Variants in CDK6 observed in about 807,000 individuals in gnomAD.
The protein encoded by CDK6 is cyclin-dependent kinase 6.
A neutral mutation model predicts 37.1 loss-of-function variants in CDK6; 6 were observed. The observed-to-expected ratio is 0.16, with a 90% CI of 0.09 to 0.32. The LOEUF is 0.32. Ranked by LOEUF, CDK6 falls within the 10% of genes least tolerant of loss-of-function variation. CDK6 has a pLI of 1.00. For synonymous variants in CDK6, 160 were observed against 161.3 expected (o/e 0.99, Z 0.06); for missense variants, 224 against 418.9 (o/e 0.53, Z 4.06).
In CDK6 at chr7:92,833,172, T is replaced by G; in HGVS notation, c.152A>C (p.Glu51Ala). The G allele has an allele frequency of 6.2e-7, 1 of 1,609,272 alleles. No homozygotes were observed. Among genetic ancestry groups the G allele is most frequent in the East Asian group, 2.2e-5 (1 of 44,688 alleles). Residue 51 changes from glutamate to alanine, a missense_variant, in exon 2 of 8, where the codon GAG becomes GCG. This residue lies in a region of CDK6 where 21 missense variants were observed against 18.4 expected (regional missense o/e 1.14). Transcript: ENST00000424848. This position sits in a 1 kb window ranked among gnomAD's most constrained non-coding sequence, Gnocchi z 6.1. ...ALKRVRVQTG[E>A]EGMPLSTIRE... ...GATGGTGGAGAGCGGCATGCCCTCCTCGCCGGTCTGCACCCGCACGCGCTT... is the reference window on the plus strand; with the variant it reads ...GATGGTGGAGAGCGGCATGCCCTCCGCGCCGGTCTGCACCCGCACGCGCTT...
intron 3 of CDK6, among the ~76,000 whole-genome samples, chr7:92,745,741 C>T (rs566300767): frequency 2.0e-4 from 30 of 152,148 alleles, no homozygotes; most frequent in Admixed American, 3.3e-4. Flanking sequence ...TTCCAGGAAC[C>T]TGTGTTGCTG....
chr7:92,795,648 T>A (rs1182331664), intron 2 of CDK6, among the ~76,000 whole-genome samples: 1 of 152,106 alleles, frequency 6.6e-6, no homozygotes, highest in Non-Finnish European at 1.5e-5. Context: ...AGAAGAGAAC[T>A]AACTGTGCCA....
intron 2 of CDK6, among the ~76,000 whole-genome samples, chr7:92,796,595 T>G (rs1460036236): frequency 6.6e-6 from 1 of 152,154 alleles, no homozygotes; most frequent in Non-Finnish European, 1.5e-5. Context: ...AAAACTGAGT[T>G]GGTAAGAGTA....
intron 2 of CDK6, among the ~76,000 whole-genome samples, chr7:92,778,738 C>G (rs1409195173): frequency 6.6e-6 from 1 of 151,818 alleles, no homozygotes; most frequent in African/African-American, 2.4e-5. Context: ...TGGCATGTCC[C>G]TAAAGTCAAA....
chr7:92,645,304 T>C (rs1437397652), intron 5 of CDK6, among the ~76,000 whole-genome samples: 1 of 152,196 alleles, frequency 6.6e-6, no homozygotes, highest in Non-Finnish European at 1.5e-5. Flanking sequence ...TTAAAGGCCA[T>C]CAAAACCATC....
intron 6 of CDK6, among the ~76,000 whole-genome samples, chr7:92,620,178 T>A (rs914381273): frequency 6.6e-6 from 1 of 152,228 alleles, no homozygotes; most frequent in Admixed American, 6.5e-5. Flanking sequence ...TATGATCAAC[T>A]GAATGCCAAA....
At chr7:92,731,669 G>A (rs962866091) in intron 3 of CDK6, among the ~76,000 whole-genome samples, 1 of 151,918 alleles carries the variant, frequency 6.6e-6, no homozygotes, top group East Asian at 1.9e-4. Flanking sequence ...ATTCTGAAAT[G>A]AGAACAGAAC....
intron 3 of CDK6, among the ~76,000 whole-genome samples, chr7:92,728,588 T>C (rs1585434956): frequency 1.3e-5 from 2 of 152,162 alleles, no homozygotes; most frequent in South Asian, 2.1e-4. Context: ...CTAGTTCTTG[T>C]TTGTTTAAAG....
chr7:92,608,678 T>C lies in CDK6; in HGVS notation c.*6462A>G, dbSNP rs1014255222. ...CGGAGAATTGTGTTGTACTTATTTA[T>C]GCACAGAAGACACCCGTTTGCTACT... On this transcript the variant is annotated 3_prime_UTR_variant, in exon 8 of 8. Coordinates refer to ENST00000424848, the MANE Select transcript of CDK6 (RefSeq NM_001145306.2). 3.9e-5 allele frequency: 9 copies of C among 231,414 alleles called. No homozygotes were observed. Among genetic ancestry groups the C allele is most frequent in the Non-Finnish European group, 6.8e-5 (8 of 116,960 alleles). 14.3% of individuals were successfully genotyped at this position (231,414 alleles called of 1,614,324 possible).
At chr7:92,683,402 GGTT>G (rs1252609705) in intron 4 of CDK6, among the ~76,000 whole-genome samples, 1 of 152,170 alleles carries the variant, frequency 6.6e-6, no homozygotes. Flanking sequence ...CAGGTTATAT[GGTT>G]AGTGCAAGTG....
At chr7:92,827,434 A>T (rs1007517694) in intron 2 of CDK6, among the ~76,000 whole-genome samples, 1 of 152,298 alleles carries the variant, frequency 6.6e-6, no homozygotes, top group African/African-American at 2.4e-5. Flanking sequence ...GTACACTTGC[A>T]TAGATTCCTG....
At chr7:92,796,343 T>G (rs758846411) in intron 2 of CDK6, among the ~76,000 whole-genome samples, 12 of 152,096 alleles carry the variant, frequency 7.9e-5, no homozygotes, top group Non-Finnish European at 1.6e-4. Context: ...TATGAGATCA[T>G]AGTTTTTACT....
chr7:92,767,144 A>T (rs892697380), intron 3 of CDK6, among the ~76,000 whole-genome samples: 1 of 152,216 alleles, frequency 6.6e-6, no homozygotes, highest in African/African-American at 2.4e-5. Flanking sequence ...TGGAGATTTT[A>T]AAAAACCTAC....
chr7:92,694,421 T>C (rs1332375035), intron 4 of CDK6, among the ~76,000 whole-genome samples: 1 of 152,128 alleles, frequency 6.6e-6, no homozygotes, highest in Non-Finnish European at 1.5e-5. Context: ...AGGTCAGTGA[T>C]GCTGTTCACA....
rs1328969212 is a variant in CDK6, at chr7:92,616,220, A to C, written c.835-934T>G. Among the ~76,000 whole-genome samples, 3 of 152,148 alleles carry C rather than the reference A, an allele frequency of 2.0e-5. No homozygotes were observed. In the South Asian group the frequency reaches 6.2e-4, roughly 32 times the overall value. On this transcript the variant is annotated intron_variant, in intron 7 of 7. Coordinates refer to ENST00000424848, the MANE Select transcript of CDK6 (RefSeq NM_001145306.2). ...TTACAGACTTCACATTATCATGGTT[A>C]ATGGAAGACCTCTTCCACTTAAGAG...
At position 92,681,909 on chromosome 7, in the gene CDK6, C is replaced by A. The variant is rs115208487; in HGVS notation, c.538-10374G>T. ...ACAAATCCAACTGTCTCCCGGACAT[C>A]ACTACTTAGTGCTGCTACCAGTATC... is the stretch of plus-strand genomic sequence containing the variant. On this transcript the variant is annotated intron_variant, in intron 4 of 7. Transcript: ENST00000424848. Among the ~76,000 whole-genome samples the A allele has an allele frequency of 3.2e-3, 486 of 152,332 alleles. 1 individual carries two copies. Among genetic ancestry groups the A allele is most frequent in the African/African-American group, 0.011 (461 of 41,576 alleles).
At chr7:92,832,744 G>A (rs572551500) in intron 2 of CDK6, among the ~76,000 whole-genome samples, 3 of 152,238 alleles carry the variant, frequency 2.0e-5, no homozygotes, top group Admixed American at 6.5e-5. Context: ...GGGCTAGCGG[G>A]GCATGTCTCA....
At position 92,664,952 on chromosome 7, in the gene CDK6, A is replaced by G. The variant is rs147140504; in HGVS notation, c.647+6474T>C. 3.5e-3 allele frequency among the ~76,000 whole-genome samples: 525 copies of G among 151,758 alleles called. 7 individuals are homozygous for G. Among genetic ancestry groups the G allele is most frequent in the African/African-American group, 0.012 (504 of 41,368 alleles). On this transcript the variant is annotated intron_variant, in intron 5 of 7. Coordinates refer to ENST00000424848, the MANE Select transcript of CDK6 (RefSeq NM_001145306.2). ...AGGAGCATGCCACCACGCTCAGCTA[A>G]TTTTTTGTATTTTTAATAGAGACGG...
intron 2 of CDK6, among the ~76,000 whole-genome samples, chr7:92,812,553 C>T (rs1031854055): frequency 6.6e-6 from 1 of 151,744 alleles, no homozygotes; most frequent in African/African-American, 2.4e-5. Context: ...CCAGAGTAGC[C>T]GGGACCAGAG....
Sources: allele counts gnomAD v4.1 joint callset (sites outside exome capture counted in the v4.1 genomes callset), GRCh38; gene constraint gnomAD v4.1.1; regional missense constraint gnomAD v4.1.1; non-coding constraint Gnocchi (gnomAD v3.1); transcripts MANE v1.5; gene names NCBI Gene and HGNC (gene_info 2026-07-23, HGNC 2026-07-21).